Variants in SLC25A48 observed in about 807,000 individuals in gnomAD.
SLC25A48 encodes the protein solute carrier family 25 member 48, also known as CTC-321K16.1.
SLC25A48 carries 29 observed loss-of-function variants against 32.2 expected under a neutral mutation model. The observed-to-expected ratio is 0.90, with a 90% CI of 0.67 to 1.23. SLC25A48 has a LOEUF of 1.23. SLC25A48 is among the 50% of genes most tolerant of loss of function. SLC25A48 has a pLI of 0.00. For missense variants in SLC25A48, 399 were observed against 422.7 expected (o/e 0.94, Z 0.49); for synonymous variants, 164 against 172.3 (o/e 0.95, Z 0.38).
intron 7 of SLC25A48, among the ~76,000 whole-genome samples, chr5:135,883,938 C>T (rs1762632819): frequency 6.6e-6 from 1 of 152,190 alleles, no homozygotes; most frequent in South Asian, 2.1e-4. Context: ...GCAGCCTCTT[C>T]CAATTCTGTG....
intron 3 of SLC25A48, chr5:135,742,621 G>A: frequency 1.4e-6 from 1 of 702,284 alleles, no homozygotes; most frequent in Non-Finnish European, 2.4e-6. Context: ...AGGGGATGAG[G>A]TTTCTGACCG....
At chr5:135,727,768 C>T (rs141350754) in intron 3 of SLC25A48, among the ~76,000 whole-genome samples, 83 of 152,194 alleles carry the variant, frequency 5.5e-4, no homozygotes, top group African/African-American at 1.8e-3. Context: ...GTGTGTCTCT[C>T]GGCCAATACC....
chr5:135,801,988 T>G (rs1757341324), intron 3 of SLC25A48, among the ~76,000 whole-genome samples: 1 of 151,864 alleles, frequency 6.6e-6, no homozygotes, highest in Non-Finnish European at 1.5e-5. Context: ...GTTATATTGT[T>G]CATAATATCC....
chr5:135,820,429 C>T (rs1048401791), intron 4 of SLC25A48, among the ~76,000 whole-genome samples: 3 of 152,164 alleles, frequency 2.0e-5, no homozygotes, highest in African/African-American at 7.2e-5. Flanking sequence ...TGAAAAGAGG[C>T]ATTTCTATAT....
intron 3 of SLC25A48, among the ~76,000 whole-genome samples, chr5:135,706,111 C>T (rs759714132): frequency 1.3e-5 from 2 of 152,132 alleles, no homozygotes; most frequent in Non-Finnish European, 2.9e-5. Flanking sequence ...ACTTTGAGGC[C>T]GCCCCACTGC....
chr5:135,828,311 G>A (rs1292607460), intron 4 of SLC25A48, among the ~76,000 whole-genome samples: 2 of 152,248 alleles, frequency 1.3e-5, no homozygotes, highest in African/African-American at 4.8e-5. Flanking sequence ...ACGATGGAGA[G>A]ATTTGACTTG....
intron 1 of SLC25A48, among the ~76,000 whole-genome samples, chr5:135,621,485 C>T (rs1752323434): frequency 6.6e-6 from 1 of 152,030 alleles, no homozygotes; most frequent in African/African-American, 2.4e-5. Context: ...AGGAGTATTT[C>T]TATGTCCAGA....
intron 4 of SLC25A48, among the ~76,000 whole-genome samples, chr5:135,870,937 A>G (rs1029428642): frequency 7.9e-5 from 12 of 151,522 alleles, no homozygotes; most frequent in Non-Finnish European, 1.8e-4. Flanking sequence ...TTTAAATTTT[A>G]TGTATAATTT....
chr5:135,709,577 G>T (rs967351215), intron 3 of SLC25A48, among the ~76,000 whole-genome samples: 1 of 152,234 alleles, frequency 6.6e-6, no homozygotes, highest in South Asian at 2.1e-4. Context: ...GCAGGGCGCC[G>T]TGGACCACAT....
At chr5:135,751,646 C>T (rs1209112639) in intron 3 of SLC25A48, among the ~76,000 whole-genome samples, 1 of 151,934 alleles carries the variant, frequency 6.6e-6, no homozygotes, top group Non-Finnish European at 1.5e-5. Context: ...ACAGCCTGGG[C>T]AACATAGTGA....
In SLC25A48 at chr5:135,879,861, G is replaced by C; in HGVS notation, c.814-107G>C. The C allele has an allele frequency of 5.5e-6, 8 of 1,444,506 alleles. No homozygotes were observed. The South Asian group carries it at 1.1e-4, about 20-fold the overall frequency. The allele number at this position is 1,444,506 out of a possible 1,614,324, so 89.5% of individuals were successfully genotyped here. A position where few individuals can be genotyped will look rare whatever the true frequency, so the allele number is the denominator to read the frequency against. ...CACAGGTCCTTTGGGCTCTGGTGGG[G>C]GACCGGGCCTGGGTAGGCAGCACCA... On this transcript the variant is annotated intron_variant, in intron 6 of 7. Coordinates refer to ENST00000681962, the MANE Select transcript of SLC25A48 (RefSeq NM_001349336.2).
At chr5:135,782,028 C>G (rs1196360556) in intron 3 of SLC25A48, among the ~76,000 whole-genome samples, 1 of 113,366 alleles carries the variant, frequency 8.8e-6, no homozygotes, top group African/African-American at 2.7e-5. Flanking sequence ...GCTTTTATTC[C>G]CAATATCACA....
At chr5:135,640,565 G>C (rs1752810873) in intron 3 of SLC25A48, among the ~76,000 whole-genome samples, 1 of 152,000 alleles carries the variant, frequency 6.6e-6, no homozygotes, top group Admixed American at 6.5e-5. Context: ...ATATCCCTCT[G>C]AACACAGACA....
chr5:135,594,199 A>C (rs1299209634), intron 1 of SLC25A48, among the ~76,000 whole-genome samples: 1 of 152,244 alleles, frequency 6.6e-6, no homozygotes, highest in African/African-American at 2.4e-5. Flanking sequence ...TATAAAAATC[A>C]GCTCTTTTAA....
At chr5:135,858,295 A>G (rs1760501480) in intron 4 of SLC25A48, among the ~76,000 whole-genome samples, 2 of 152,208 alleles carry the variant, frequency 1.3e-5, no homozygotes, top group South Asian at 2.1e-4. Flanking sequence ...GCTTTGAGCC[A>G]TTAGAACCTG....
At chr5:135,582,871 C>T (rs562580717) in intron 1 of SLC25A48, among the ~76,000 whole-genome samples, 7 of 152,304 alleles carry the variant, frequency 4.6e-5, no homozygotes, top group South Asian at 2.1e-4. Flanking sequence ...TCTAATCCCA[C>T]GAGCATACCC....
intron 3 of SLC25A48, among the ~76,000 whole-genome samples, chr5:135,763,243 C>T (rs1246918497): frequency 4.6e-5 from 7 of 152,132 alleles, no homozygotes; most frequent in Admixed American, 4.6e-4. Context: ...GCATTTGACT[C>T]ACGGGGCTAG....
At position 135,745,025 on chromosome 5, in the gene SLC25A48, C is replaced by T. The variant is rs141649318; in HGVS notation, c.-520-67498C>T. Among the ~76,000 whole-genome samples the T allele has an allele frequency of 2.6e-5, 4 of 152,252 alleles. No individual in the cohort carries two copies. The East Asian group carries it at 7.8e-4, about 30-fold the overall frequency. ...CCACTGCACTCCAGCCTGGGCTACA[C>T]AGTGCCGAGACCAGCTCGGTTGTGG... On this transcript the variant is annotated intron_variant, in intron 3 of 10. Transcript: ENST00000646290.
chr5:135,690,566 C>A (rs1754121151), intron 3 of SLC25A48, among the ~76,000 whole-genome samples: 1 of 152,202 alleles, frequency 6.6e-6, no homozygotes, highest in Non-Finnish European at 1.5e-5. Flanking sequence ...CTATGATTTG[C>A]AGCCCCCACC....
Sources: gnomAD v4.1 joint callset for allele counts (sites outside exome capture counted in the v4.1 genomes callset) on GRCh38, gnomAD v4.1.1 for gene constraint, MANE v1.5 for transcripts, NCBI Gene and HGNC (gene_info 2026-07-23, HGNC 2026-07-21) for gene names.